Variants in DMD observed in about 807,000 individuals in gnomAD.
DMD encodes mutant dystrophin.
Under a neutral mutation model 330.1 loss-of-function variants are expected in DMD, and 63 were observed. That is an observed-to-expected ratio of 0.19 (90% CI 0.16 to 0.24). The LOEUF (loss-of-function observed/expected upper bound fraction) is 0.24. Ranked by LOEUF, DMD falls within the 10% of genes least tolerant of loss-of-function variation. The probability of loss-of-function intolerance (pLI) is 1.00; values close to 1 mark genes in which losing one functional copy is unlikely to be tolerated. For synonymous variants in DMD, 1,223 were observed against 959.8 expected, an observed-to-expected ratio of 1.27 and a Z score of -5.07; for missense variants, 3,344 against 2,684.1, an observed-to-expected ratio of 1.25 and a Z score of -5.43.
chrX:32,776,982 T>C (rs997559962), intron 7 of DMD, among the ~76,000 whole-genome samples: 11 of 109,903 alleles, frequency 1.0e-4, no homozygotes, highest in African/African-American at 3.0e-4. Flanking sequence ...ACTGATAAAA[T>C]GAATGAAGCT....
At chrX:32,010,337 C>G (rs1307859091) in intron 44 of DMD, among the ~76,000 whole-genome samples, 3 of 111,693 alleles carry the variant, frequency 2.7e-5, no homozygotes, top group Non-Finnish European at 3.8e-5. Context: ...CTTTCCAATT[C>G]TGCATTCAAT....
chrX:32,216,973 G>T lies in DMD; in HGVS notation c.6381C>A (p.Leu2127=). The T allele has an allele frequency of 8.3e-7, 1 of 1,206,473 alleles. No homozygotes were observed. The highest frequency in any genetic ancestry group is 3.0e-5 in the East Asian group (1 of 33,746). ...AATTCTCAGGAATTTGTGTCTTTCT[G>T]AGAAACTGTTCAGCTTCTGTTAGCC... ...NQWLTEAEQF[L]RKTQIPENWE... The change falls in exon 44 of 79, where the codon CTC becomes CTA. Residue 2127 remains leucine (L), a synonymous_variant. Coordinates refer to ENST00000357033, the MANE Select transcript of DMD (RefSeq NM_004006.3).
At chrX:32,861,969 T>C (rs964347628) in intron 2 of DMD, among the ~76,000 whole-genome samples, 1 of 112,167 alleles carries the variant, frequency 8.9e-6, no homozygotes, top group African/African-American at 3.2e-5. Context: ...TTTCTATCTC[T>C]GGTGATGTCA....
intron 1 of DMD, among the ~76,000 whole-genome samples, chrX:33,132,972 C>G (rs1177004405): frequency 8.9e-6 from 1 of 111,847 alleles, no homozygotes; most frequent in Non-Finnish European, 1.9e-5. Context: ...GATAATCACT[C>G]ACATTTCCCA....
chrX:31,473,592 C>T (rs1173529641), intron 59 of DMD, among the ~76,000 whole-genome samples: 23 of 100,193 alleles, frequency 2.3e-4, no homozygotes, highest in African/African-American at 5.6e-4. Context: ...TGGTGGTGCG[C>T]GCCTGTAGTC....
Position 31,227,438 on chromosome X carries a change from T to G in DMD, c.9287-4317A>C, listed in dbSNP as rs186969946. Among the ~76,000 whole-genome samples the G allele has an allele frequency of 1.6e-4, 18 of 111,663 alleles. No individual in the cohort carries two copies. The East Asian group carries it at 5.1e-3, about 31-fold the overall frequency. On this transcript the variant is annotated intron_variant, in intron 63 of 78. Transcript: ENST00000357033. The stretch of plus-strand genomic sequence containing the variant: ...TCTTTTCAGCCTACCCCCAACCCAC[T>G]GCAGTGAATAAGCCTTCTGCTACCA...
intron 44 of DMD, among the ~76,000 whole-genome samples, chrX:32,131,853 G>A (rs780211056): frequency 7.0e-4 from 78 of 112,003 alleles, no homozygotes; most frequent in African/African-American, 2.4e-3. Context: ...AGACCTCAGT[G>A]CCAGACCCTG....
At chrX:32,777,982 A>G (rs943278736) in intron 7 of DMD, among the ~76,000 whole-genome samples, 73 of 112,232 alleles carry the variant, frequency 6.5e-4, no homozygotes, top group Non-Finnish European at 1.5e-4. Context: ...AAGCAATCCC[A>G]GCAAGAATTC....
chrX:32,843,756 G>C (rs1430708080), intron 4 of DMD, among the ~76,000 whole-genome samples: 2 of 111,659 alleles, frequency 1.8e-5, no homozygotes, highest in Non-Finnish European at 1.9e-5. Flanking sequence ...CAGATTTTAG[G>C]ATGTTAATAA....
intron 44 of DMD, among the ~76,000 whole-genome samples, chrX:32,184,640 G>A (rs1054991247): frequency 9.0e-6 from 1 of 111,039 alleles, no homozygotes; most frequent in Non-Finnish European, 1.9e-5. Flanking sequence ...AAAGCAAAGA[G>A]TTAGCAACCA....
At chrX:33,211,571 C>T, upstream of DMD, 3 of 1,009,907 alleles carry the variant, frequency 3.0e-6, no homozygotes, top group Non-Finnish European at 3.8e-6. Flanking sequence ...GTAGAGGCCC[C>T]CGGATATTTC....
At chrX:31,454,160 T>TA (rs1236227882) in intron 59 of DMD, among the ~76,000 whole-genome samples, 4 of 111,623 alleles carry the variant, frequency 3.6e-5, no homozygotes, top group African/African-American at 1.3e-4. Flanking sequence ...TTTTTTGAGA[T>TA]AGAGTTTTGC....
chrX:31,834,952 GTTCT>G (rs1207208308), intron 49 of DMD, among the ~76,000 whole-genome samples: 3 of 111,902 alleles, frequency 2.7e-5, no homozygotes, highest in Non-Finnish European at 5.6e-5. Flanking sequence ...ACAGCTCCTG[GTTCT>G]TTCTTTTTAT....
intron 55 of DMD, among the ~76,000 whole-genome samples, chrX:31,549,478 C>T (rs945994486): frequency 1.1e-4 from 12 of 111,530 alleles, no homozygotes; most frequent in Admixed American, 9.6e-4. Flanking sequence ...TCAAATGAAC[C>T]CTCCAAGTCA....
At chrX:32,216,353 C>G (rs989930901) in intron 44 of DMD, among the ~76,000 whole-genome samples, 1 of 111,759 alleles carries the variant, frequency 8.9e-6, no homozygotes, top group African/African-American at 3.2e-5. Context: ...CATCCATATG[C>G]TGTTTCCCTA....
chrX:31,571,251 A>T, intron 55 of DMD, among the ~76,000 whole-genome samples: 1 of 63,994 alleles, frequency 1.6e-5, no homozygotes, highest in African/African-American at 8.5e-5. Flanking sequence ...AAAGATTTAA[A>T]GGGGTGTGTG....
chrX:32,332,802 T>C (rs2097687438), intron 41 of DMD, among the ~76,000 whole-genome samples: 1 of 111,197 alleles, frequency 9.0e-6, no homozygotes, highest in Non-Finnish European at 1.9e-5. Flanking sequence ...TGTCCCTGTG[T>C]ATTGTGTAGA....
chrX:31,259,674 G>A (rs972949335), intron 63 of DMD, among the ~76,000 whole-genome samples: 1 of 111,312 alleles, frequency 9.0e-6, no homozygotes, highest in Non-Finnish European at 1.9e-5. Context: ...CATTTTTCAG[G>A]TTTTCTAGAA....
intron 60 of DMD, among the ~76,000 whole-genome samples, chrX:31,357,361 T>C (rs188897617): frequency 2.9e-5 from 3 of 102,930 alleles, no homozygotes; most frequent in African/African-American, 7.3e-5. Flanking sequence ...TGAGATACCA[T>C]AGAACTGGTA....
Sources: gnomAD v4.1 joint callset for allele counts (sites outside exome capture counted in the v4.1 genomes callset) on GRCh38, gnomAD v4.1.1 for gene constraint, MANE v1.5 for transcripts, NCBI Gene and HGNC (gene_info 2026-07-23, HGNC 2026-07-21) for gene names.